Variants in TNKS observed in about 807,000 individuals in gnomAD.
The protein encoded by TNKS is poly [ADP-ribose] polymerase tankyrase-1.
TNKS carries 72 observed loss-of-function variants against 135.8 expected under a neutral mutation model. The observed-to-expected ratio is 0.53, with a 90% CI of 0.44 to 0.64. TNKS has a LOEUF of 0.64. Among genes scored for constraint, TNKS ranks in the 30% least tolerant of loss-of-function variants. The pLI, the probability that TNKS is intolerant of heterozygous loss-of-function variation, is 0.00. For synonymous variants in TNKS, 849 were observed against 649.3 expected (o/e 1.31, Z -4.68); for missense variants, 1,769 against 1,674.0 (o/e 1.06, Z -0.99).
intron 11 of TNKS, among the ~76,000 whole-genome samples, chr8:9,712,795 TG>T: frequency 6.6e-6 from 1 of 151,818 alleles, no homozygotes; most frequent in Admixed American, 6.6e-5. Context: ...GAGGCTGAGG[TG>T]GGAAAATCAC....
At chr8:9,769,612 C>CTTTTTTTTTTTTTTTT (rs1163803220) in intron 25 of TNKS, among the ~76,000 whole-genome samples, 1 of 73,462 alleles carries the variant, frequency 1.4e-5, no homozygotes, top group Non-Finnish European at 2.4e-5. Context: ...CAGGCATTTT[C>CTTTTTTTTTTTTTTTT]TTTTTTTTTT....
intron 5 of TNKS, among the ~76,000 whole-genome samples, chr8:9,689,937 T>C (rs1803185088): frequency 6.6e-6 from 1 of 152,222 alleles, no homozygotes; most frequent in Non-Finnish European, 1.5e-5. Flanking sequence ...CGTAGAATCT[T>C]TGATGCTTAG....
Position 9,717,103 on chromosome 8 carries a change from T to TATATATATATA in TNKS, c.1750-3271_1750-3270insATATATATATA, listed in dbSNP as rs1554476739. ...TATATATATATATATATATATATATTTTCAGGGAATTTGATTGTTTCTTTT... is the reference window on the plus strand; with the variant it reads ...TATATATATATATATATATATATATTATATATATATATTCAGGGAATTTGATTGTTTCTTTT... On this transcript the variant is annotated intron_variant, in intron 11 of 26. Transcript: ENST00000310430. Among the ~76,000 whole-genome samples, 166 of 39,270 alleles carry TATATATATATA rather than the reference T, an allele frequency of 4.2e-3. 5 individuals are homozygous for TATATATATATA. Among genetic ancestry groups the TATATATATATA allele is most frequent in the African/African-American group, 9.1e-3 (113 of 12,446 alleles). The allele number at this position is 39,270 out of a possible 152,430, so 25.8% of individuals were successfully genotyped here.
At chr8:9,636,900 A>C (rs1180735591) in intron 3 of TNKS, among the ~76,000 whole-genome samples, 1 of 152,180 alleles carries the variant, frequency 6.6e-6, no homozygotes, top group Non-Finnish European at 1.5e-5. Flanking sequence ...TCTTTGGGAA[A>C]ACATCAGGCC....
At chr8:9,674,547 G>T (rs1220869623) in intron 3 of TNKS, among the ~76,000 whole-genome samples, 1 of 152,182 alleles carries the variant, frequency 6.6e-6, no homozygotes, top group African/African-American at 2.4e-5. Flanking sequence ...CAGCTCTTCT[G>T]GTGAATGGTC....
chr8:9,624,680 T>C (rs191098916), intron 3 of TNKS, among the ~76,000 whole-genome samples: 1 of 152,308 alleles, frequency 6.6e-6, no homozygotes, highest in Non-Finnish European at 1.5e-5. Flanking sequence ...CCTGGCCTTA[T>C]AGAATGAGTT....
intron 2 of TNKS, among the ~76,000 whole-genome samples, chr8:9,602,977 G>T (rs796907281): frequency 1.3e-5 from 2 of 152,008 alleles, no homozygotes; most frequent in South Asian, 4.1e-4. Flanking sequence ...GAGAAACTAG[G>T]TTTACATACA....
At chr8:9,709,818 G>A in intron 9 of TNKS, 137 bp from the exon 10 acceptor site, 1 of 665,730 alleles carries the variant, frequency 1.5e-6, no homozygotes, top group Non-Finnish European at 2.6e-6. Context: ...GATCATCTCT[G>A]TGATATAAAA....
intron 3 of TNKS, among the ~76,000 whole-genome samples, chr8:9,647,111 C>T (rs1800947327): frequency 6.6e-6 from 1 of 152,150 alleles, no homozygotes. Context: ...AAAAAACCTC[C>T]AGCTTTGTTA....
At chr8:9,774,284 A>G (rs1225206624) in intron 26 of TNKS, among the ~76,000 whole-genome samples, 2 of 152,204 alleles carry the variant, frequency 1.3e-5, no homozygotes, top group African/African-American at 2.4e-5. Context: ...CTGGAAAAGA[A>G]AAGACTATAG....
At position 9,777,934 on chromosome 8, in the gene TNKS, A is replaced by G. The variant is rs952728424; in HGVS notation, c.*1198A>G. Reference sequence around the variant, plus strand: ...AGATTTGGGGTTTATTTTGAGTGGCATGCTTCAAATAGTTCATAAAGATCC... The same window carrying G: ...AGATTTGGGGTTTATTTTGAGTGGCGTGCTTCAAATAGTTCATAAAGATCC... On this transcript the variant is annotated 3_prime_UTR_variant, in exon 27 of 27. Transcript: ENST00000310430. 1.3e-5 allele frequency: 2 copies of G among 152,628 alleles called. No homozygotes were observed. The highest frequency in any genetic ancestry group is 2.9e-5 in the Non-Finnish European group (2 of 68,036). The allele number at this position is 152,628 out of a possible 1,614,324, so 9.5% of individuals were successfully genotyped here.
intron 3 of TNKS, among the ~76,000 whole-genome samples, chr8:9,623,654 C>T (rs1799949407): frequency 6.6e-6 from 1 of 152,134 alleles, no homozygotes; most frequent in Non-Finnish European, 1.5e-5. Context: ...AAATGTATAT[C>T]TGCAAAGTGC....
intron 3 of TNKS, among the ~76,000 whole-genome samples, chr8:9,630,587 TG>T (rs2128771436): frequency 6.6e-6 from 1 of 152,246 alleles, no homozygotes; most frequent in African/African-American, 2.4e-5. Context: ...ATCACATTAA[TG>T]GGGGGAAAAC....
intron 2 of TNKS, among the ~76,000 whole-genome samples, chr8:9,581,837 C>T (rs1156748674): frequency 6.6e-6 from 1 of 151,932 alleles, no homozygotes; most frequent in Non-Finnish European, 1.5e-5. Context: ...CCTCTTAATC[C>T]CTCTTTCAAA....
chr8:9,581,108 C>T (rs1002586167), intron 2 of TNKS, among the ~76,000 whole-genome samples: 1 of 152,044 alleles, frequency 6.6e-6, no homozygotes, highest in Non-Finnish European at 1.5e-5. Flanking sequence ...GGTTGATTTA[C>T]GTAATTGTCT....
At chr8:9,619,065 C>G (rs1326330805) in intron 3 of TNKS, among the ~76,000 whole-genome samples, 2 of 152,140 alleles carry the variant, frequency 1.3e-5, no homozygotes, top group Non-Finnish European at 2.9e-5. Context: ...AGTCTTTATT[C>G]TTCCCTGTGA....
At chr8:9,645,884 T>G (rs1402154182) in intron 3 of TNKS, among the ~76,000 whole-genome samples, 2 of 152,218 alleles carry the variant, frequency 1.3e-5, no homozygotes, top group Admixed American at 1.3e-4. Flanking sequence ...TATCTTTTCT[T>G]TAACAGCCAT....
chr8:9,751,784 C>G lies in TNKS; in HGVS notation c.3008C>G (p.Ala1003Gly), dbSNP rs768112379. The G allele has an allele frequency of 6.2e-7, 1 of 1,614,118 alleles. No homozygotes were observed. The highest frequency in any genetic ancestry group is 1.7e-5 in the Admixed American group (1 of 60,000). ...CTCACTGGCCCTTTAGCAGAGTTGGCCGTAGGAGGAGCCTCCAATGCAGGG... is the reference window on the plus strand; with the variant it reads ...CTCACTGGCCCTTTAGCAGAGTTGGGCGTAGGAGGAGCCTCCAATGCAGGG... ...DNLTGPLAEL[A>G]VGGASNAGDG... The change falls in exon 19 of 27, where the codon GCC becomes GGC. Residue 1003 changes from alanine to glycine, a missense_variant. Ala to Gly is a moderately conservative substitution (Grantham distance 60). Coordinates refer to ENST00000310430, the MANE Select transcript of TNKS (RefSeq NM_003747.3).
chr8:9,761,661 A>C lies in TNKS; in HGVS notation c.3274+25A>C. The C allele has an allele frequency of 1.9e-6, 3 of 1,581,684 alleles. No homozygotes were observed. The South Asian group carries it at 3.5e-5, about 19-fold the overall frequency. On this transcript the variant is annotated intron_variant, in intron 21 of 26. Transcript: ENST00000310430. ...GGTAAGCTATTCAGAAAAAAAAAAA[A>C]ATTTCAGAAATCAGTGGTACAAGGT...
Sources: allele counts gnomAD v4.1 joint callset (sites outside exome capture counted in the v4.1 genomes callset), GRCh38; gene constraint gnomAD v4.1.1; transcripts MANE v1.5; gene names NCBI Gene and HGNC (gene_info 2026-07-23, HGNC 2026-07-21).